The following NOC2L variants were observed in gnomAD, a reference collection of about 807,000 sequenced individuals.
The protein encoded by NOC2L is nucleolar complex protein 2 homolog.
NOC2L carries 101 observed loss-of-function variants against 94.2 expected under a neutral mutation model. That is an observed-to-expected ratio of 1.07 (90% confidence interval 0.91 to 1.26). The LOEUF is 1.26. Among genes scored for constraint, NOC2L ranks in the 50% most tolerant of loss-of-function variants. The pLI is 0.00. For synonymous variants in NOC2L, 531 were observed against 413.4 expected (o/e 1.28, Z -3.45); for missense variants, 1,076 against 980.1 (o/e 1.10, Z -1.31).
chr1:944,310 A>G lies in NOC2L; in HGVS notation c.*384T>C, dbSNP rs1642016958. On this transcript the variant is annotated 3_prime_UTR_variant, in exon 19 of 19. Transcript: ENST00000327044. ...TTCAAAGGAAAGGAACAAATTTTCA[A>G]AGACTTGGGGGAGTGAAGGCAGAGC... is the stretch of plus-strand genomic sequence containing the variant. The G allele has an allele frequency of 3.1e-5, 43 of 1,392,468 alleles. No homozygotes were observed. Among genetic ancestry groups the G allele is most frequent in the Non-Finnish European group, 3.8e-5 (41 of 1,079,442 alleles). 86.3% of individuals were successfully genotyped at this position (1,392,468 alleles called of 1,614,324 possible).
chr1:957,073 C>A (rs765893583), intron 3 of NOC2L, 26 bp downstream of exon 3: 4 of 1,613,892 alleles, frequency 2.5e-6, no homozygotes, highest in Admixed American at 3.3e-5. Context: ...CAAGTGCCCC[C>A]CTTCTGGTTT....
At chr1:949,100 G>C (rs916917997) in intron 12 of NOC2L, among the ~76,000 whole-genome samples, 2 of 151,970 alleles carry the variant, frequency 1.3e-5, no homozygotes, top group Non-Finnish European at 2.9e-5. Flanking sequence ...CGGGAGGCCT[G>C]GGGGGCCCCT....
rs1490326486 is a variant in NOC2L at position 952,011 on chromosome 1, A to G, written c.1320T>C (p.Ile440=). The change falls in exon 11 of 19, where the codon ATT becomes ATC. Residue 440 remains isoleucine (I), a synonymous_variant. Coordinates refer to ENST00000327044, the MANE Select transcript of NOC2L (RefSeq NM_015658.4). ...ACCCCACAACTCACTTGATACAGCCAATGATGACTTGGGCAAGGGGGTAGA... is the reference window on the plus strand; with the variant it reads ...ACCCCACAACTCACTTGATACAGCCGATGATGACTTGGGCAAGGGGGTAGA... ...PLVYPLAQVI[I]GCIKLIPTAR... 8 of 1,612,252 alleles carry G rather than the reference A, an allele frequency of 5.0e-6. No individual in the cohort carries two copies. Among genetic ancestry groups the G allele is most frequent in the Non-Finnish European group, 6.8e-6 (8 of 1,179,346 alleles).
rs765132800 is a variant in NOC2L, at chr1:946,534, G to A, written c.1671C>T (p.Phe557=). ...AGTTGGCCACCTTGCACTCCCGGAG[G>A]AACGACTTCAGCTGCGGAAGGGAGG... ...VLPVVLQLKS[F]LRECKVANYC... Residue 557 remains phenylalanine, a synonymous_variant, in exon 15 of 19, where the codon TTC becomes TTT. Coordinates refer to ENST00000327044, the MANE Select transcript of NOC2L (RefSeq NM_015658.4). 1.9e-6 allele frequency: 3 copies of A among 1,612,126 alleles called. No homozygotes were observed. The highest frequency in any genetic ancestry group is 2.7e-5 in the African/African-American group (2 of 74,916).
chr1:957,463 A>C, intron 2 of NOC2L, 190 bp from the exon 3 acceptor site: 2 of 589,918 alleles, frequency 3.4e-6, no homozygotes, highest in Non-Finnish European at 6.0e-6. Flanking sequence ...AACACACTAC[A>C]CAGGCCCCCC....
At chr1:958,676 C>T (rs1374325632) in intron 2 of NOC2L, 26 of 680,016 alleles carry the variant, frequency 3.8e-5, no homozygotes, top group Non-Finnish European at 6.7e-5. Context: ...CACCCAAGAA[C>T]GTGAGAGTTC....
At position 946,392 on chromosome 1, in the gene NOC2L, G is replaced by A. The variant is rs1174886901; in HGVS notation, c.1803+10C>T. ...GCCCTCAGGTGGCACTACCCCCAGG[G>A]CCCACTAACCACTGCCTGCTGCTCA... On this transcript the variant is annotated intron_variant, in intron 15 of 18. Transcript: ENST00000327044. The A allele has an allele frequency of 6.2e-7, 1 of 1,613,516 alleles. No homozygotes were observed. The highest frequency in any genetic ancestry group is 8.5e-7 in the Non-Finnish European group (1 of 1,179,990).
At position 944,424 on chromosome 1, in the gene NOC2L, G is replaced by A; in HGVS notation, c.*270C>T. On this transcript the variant is annotated 3_prime_UTR_variant, in exon 19 of 19. Transcript: ENST00000327044. ...CAGGCCTCCCCCTGGAACTGGGACT[G>A]GTCTCGGTCTGCTGACGTCAGGGTC... is the stretch of plus-strand genomic sequence containing the variant. 5.5e-6 allele frequency: 6 copies of A among 1,085,076 alleles called. No individual in the cohort carries two copies. The highest frequency in any genetic ancestry group is 6.2e-6 in the Non-Finnish European group (5 of 810,052). The allele number at this position is 1,085,076 out of a possible 1,614,324, so 67.2% of individuals were successfully genotyped here. A position where few individuals can be genotyped will look rare whatever the true frequency, so the allele number is the denominator to read the frequency against.
At chr1:955,582 G>C (rs979624081) in intron 6 of NOC2L, among the ~76,000 whole-genome samples, 1 of 152,326 alleles carries the variant, frequency 6.6e-6, no homozygotes, top group East Asian at 1.9e-4. Context: ...AGAGATCAAG[G>C]AGTATGGACA....
At position 946,299 on chromosome 1, in the gene NOC2L, G is replaced by A; in HGVS notation, c.1804-13C>T. On this transcript the variant is annotated splice_polypyrimidine_tract_variant and intron_variant, in intron 15 of 18. Coordinates refer to ENST00000327044, the MANE Select transcript of NOC2L (RefSeq NM_015658.4). ...TCTCCCAGGCTTCCTGGGGGGTTGG[G>A]GGAGTTCAGGGTCATGCCTCACCCT... is the stretch of plus-strand genomic sequence containing the variant. The A allele has an allele frequency of 6.2e-7, 1 of 1,612,576 alleles. No individual in the cohort carries two copies. Among genetic ancestry groups the A allele is most frequent in the Non-Finnish European group, 8.5e-7 (1 of 1,179,040 alleles).
At chr1:954,103 C>A in intron 6 of NOC2L, 21 bp from the exon 7 acceptor site, 1 of 1,609,842 alleles carries the variant, frequency 6.2e-7, no homozygotes, top group Non-Finnish European at 8.5e-7. Flanking sequence ...ACCACCCACC[C>A]CTGGCTGGGA....
intron 12 of NOC2L, among the ~76,000 whole-genome samples, chr1:950,413 GCACAGGTACACACATGCAGACAGGTGCA>G (rs1217066320): frequency 7.6e-4 from 116 of 151,954 alleles, no homozygotes; most frequent in African/African-American, 2.8e-3. Flanking sequence ...GTGCACACAC[GCACAGGTACACACATGCAGACAGGTGCA>G]CACAGGTACA....
Position 954,118 on chromosome 1 carries a change from C to A in NOC2L, c.699-36G>T, listed in dbSNP as rs1395721002. 1.9e-6 allele frequency: 3 copies of A among 1,601,886 alleles called. No individual in the cohort carries two copies. In the African/African-American group the frequency reaches 4.0e-5, roughly 21 times the overall value. Reference sequence around the variant, plus strand: ...ACCACCCACCCCTGGCTGGGAGGCCCCACGGCTCGGACGCGAGGCTGCTCA... The same window carrying A: ...ACCACCCACCCCTGGCTGGGAGGCCACACGGCTCGGACGCGAGGCTGCTCA... On this transcript the variant is annotated intron_variant, in intron 6 of 18. Transcript: ENST00000327044.
At chr1:954,379 C>T (rs1159514146) in intron 6 of NOC2L, 1 of 397,958 alleles carries the variant, frequency 2.5e-6, no homozygotes, top group Non-Finnish European at 4.5e-6. Context: ...CCCTCTCAGA[C>T]ATAAACCTTT....
intron 16 of NOC2L, 64 bp from the exon 17 acceptor site, chr1:945,717 C>A: frequency 6.2e-7 from 1 of 1,604,858 alleles, no homozygotes; most frequent in Non-Finnish European, 8.5e-7. Flanking sequence ...CACAGCAGGG[C>A]CAGGCATCGC....
At chr1:953,136 G>T in intron 9 of NOC2L, 39 bp downstream of exon 9, 1 of 1,455,198 alleles carries the variant, frequency 6.9e-7, no homozygotes, top group Non-Finnish European at 9.6e-7. Flanking sequence ...GATTTCCAAT[G>T]CAGATGCTGA....
intron 9 of NOC2L, 91 bp downstream of exon 9, chr1:953,084 G>C: frequency 1.2e-6 from 1 of 842,450 alleles, no homozygotes; most frequent in Non-Finnish European, 2.0e-6. Context: ...GTCCAGTGAG[G>C]GGCACCAACC....
rs779406005 is a variant in NOC2L, at chr1:953,126, G to C, written c.1002+49C>G. ...GCAGCCCGCCCTGCCCTTAGGCCGA[G>C]ATTTCCAATGCAGATGCTGAGGGAC... On this transcript the variant is annotated intron_variant, in intron 9 of 18. Coordinates refer to ENST00000327044, the MANE Select transcript of NOC2L (RefSeq NM_015658.4). The C allele has an allele frequency of 1.1e-5, 15 of 1,413,094 alleles. No homozygotes were observed. In the South Asian group the frequency reaches 1.6e-4, roughly 15 times the overall value. The allele number at this position is 1,413,094 out of a possible 1,614,324, so 87.5% of individuals were successfully genotyped here.
chr1:952,658 C>T, intron 9 of NOC2L, 58 bp from the exon 10 acceptor site: 9 of 1,546,626 alleles, frequency 5.8e-6, no homozygotes, highest in Non-Finnish European at 8.0e-6. Context: ...CTCCACCGCC[C>T]ACTCCAGGGC....
Sources: gnomAD v4.1 joint callset for allele counts (sites outside exome capture counted in the v4.1 genomes callset) on GRCh38, gnomAD v4.1.1 for gene constraint, MANE v1.5 for transcripts, NCBI Gene and HGNC (gene_info 2026-07-23, HGNC 2026-07-21) for gene names.